SMPD1: variants seen among roughly 807,000 people sequenced by gnomAD.
SMPD1 encodes the protein sphingomyelin phosphodiesterase 1.
In SMPD1, 47 loss-of-function variants were observed where a neutral mutation model predicts 49.7. That is an observed-to-expected ratio of 0.95 (90% CI 0.75 to 1.21). The LOEUF is 1.21. SMPD1 is among the 50% of genes most tolerant of loss of function. The pLI, the probability that SMPD1 is intolerant of heterozygous loss-of-function variation, is 0.00. For missense variants in SMPD1, 811 were observed against 822.2 expected, an observed-to-expected ratio of 0.99 and a Z score of 0.17; for synonymous variants, 336 against 339.6, an observed-to-expected ratio of 0.99 and a Z score of 0.12.
At position 6,393,240 on chromosome 11, in the gene SMPD1, C is replaced by A; in HGVS notation, c.1116C>A (p.Ser372=). 6.2e-7 allele frequency: 1 copy of A among 1,613,950 alleles called. No individual in the cohort carries two copies. Among genetic ancestry groups the A allele is most frequent in the Non-Finnish European group, 8.5e-7 (1 of 1,179,860 alleles). Residue 372 remains serine (S), a synonymous_variant, in exon 3 of 6, where the codon TCC becomes TCA. Transcript: ENST00000342245. ...GAATTGGGGGGTTCTATGCTCTTTCCCCATACCCCGGTCTCCGCCTCATCT... is the reference window on the plus strand; with the variant it reads ...GAATTGGGGGGTTCTATGCTCTTTCACCATACCCCGGTCTCCGCCTCATCT... ...TLRIGGFYAL[S]PYPGLRLISL...
chr11:6,394,837 T>G lies in SMPD1; in HGVS notation c.*230T>G. ...CTAGACTGCCTTGAGGCTGCTGTCC[T>G]TTCACAGCCATGGAGTAGAGGCCTA... On this transcript the variant is annotated 3_prime_UTR_variant, in exon 6 of 6. Coordinates refer to ENST00000342245, the MANE Select transcript of SMPD1 (RefSeq NM_000543.5). 2 of 590,428 alleles carry G rather than the reference T, an allele frequency of 3.4e-6. No homozygotes were observed. The highest frequency in any genetic ancestry group is 6.0e-6 in the Non-Finnish European group (2 of 332,208). The allele number at this position is 590,428 out of a possible 1,614,324, so 36.6% of individuals were successfully genotyped here.
intron 1 of SMPD1, 139 bp downstream of exon 1, chr11:6,391,055 C>A: frequency 8.5e-7 from 1 of 1,170,210 alleles, no homozygotes; most frequent in Non-Finnish European, 1.2e-6. Flanking sequence ...TGAGTTTGCT[C>A]CCCTTTGGGG....
chr11:6,390,991 C>A (rs1847885120), intron 1 of SMPD1, 75 bp downstream of exon 1: 3 of 1,563,760 alleles, frequency 1.9e-6, no homozygotes, highest in Non-Finnish European at 2.6e-6. Context: ...GATGCTGGTG[C>A]GCTGGGCTCA....
Position 6,391,492 on chromosome 11 carries a change from G to A in SMPD1, c.427G>A (p.Asp143Asn). ...CQSIVHLFED[D>N]MVEVWRRSVL... ...ATCCATTGTCCACCTCTTTGAGGAT[G>A]ACATGGTGGAGGTGTGGAGACGCTC... The change falls in exon 2 of 6, where the codon GAC becomes AAC. Residue 143 changes from aspartate to asparagine, a missense_variant. Asp to Asn is a conservative substitution (Grantham distance 23). Coordinates refer to ENST00000342245, the MANE Select transcript of SMPD1 (RefSeq NM_000543.5). 6.2e-7 allele frequency: 1 copy of A among 1,614,032 alleles called. No individual in the cohort carries two copies. Among genetic ancestry groups the A allele is most frequent in the Non-Finnish European group, 8.5e-7 (1 of 1,180,034 alleles).
At chr11:6,393,142 C>G in intron 2 of SMPD1, 74 bp from the exon 3 acceptor site, 1 of 1,313,620 alleles carries the variant, frequency 7.6e-7, no homozygotes, top group Non-Finnish European at 1.1e-6. Context: ...TGCTTTTACC[C>G]TCCACCCAAA....
In SMPD1 at chr11:6,394,549, T is replaced by C. The variant is rs1406342085; in HGVS notation, c.1838T>C (p.Met613Thr). The change falls in exon 6 of 6, where the codon ATG becomes ACG. Residue 613 changes from methionine to threonine, a missense_variant. Met to Thr is a moderately conservative substitution (Grantham distance 81). Transcript: ENST00000342245. ...AGCCCTGCTCTGTGCCGCCACCTGA[T>C]GCCAGATGGGAGCCTCCCAGAGGCC... ...ADSPALCRHL[M>T]PDGSLPEAQS... The C allele has an allele frequency of 1.9e-5, 31 of 1,608,616 alleles. No homozygotes were observed. Among genetic ancestry groups the C allele is most frequent in the Non-Finnish European group, 2.5e-5 (30 of 1,179,970 alleles).
chr11:6,393,297 C>T lies in SMPD1; in HGVS notation c.1173C>T (p.Asn391=), dbSNP rs1360321728. Residue 391 remains asparagine, a synonymous_variant, in exon 3 of 6, where the codon AAC becomes AAT. Transcript: ENST00000342245. ...SLNMNFCSRE[N]FWLLINSTDP... ...ATATGAATTTTTGTTCCCGTGAGAA[C>T]TTCTGGCTCTTGATCAACTCCACGG... 3.1e-6 allele frequency: 5 copies of T among 1,613,890 alleles called. No individual in the cohort carries two copies. Among genetic ancestry groups the T allele is most frequent in the East Asian group, 2.2e-5 (1 of 44,894 alleles).
rs369604007 is a variant in SMPD1, at chr11:6,393,436, C to T, written c.1263+49C>T. The T allele has an allele frequency of 3.1e-5, 49 of 1,583,068 alleles. No homozygotes were observed. The African/African-American group carries it at 6.3e-4, about 20-fold the overall frequency. Reference sequence around the variant, plus strand: ...GGTGGTGCTGGGGGACAAGCAGGCTCCTGTTGAGCTGGAGCACCTCTGGGC... The same window carrying T: ...GGTGGTGCTGGGGGACAAGCAGGCTTCTGTTGAGCTGGAGCACCTCTGGGC... On this transcript the variant is annotated intron_variant, in intron 3 of 5. Coordinates refer to ENST00000342245, the MANE Select transcript of SMPD1 (RefSeq NM_000543.5).
In SMPD1 at chr11:6,391,798, T is replaced by C. The variant is rs370178721; in HGVS notation, c.733T>C (p.Tyr245His). Residue 245 changes from tyrosine to histidine, a missense_variant, in exon 2 of 6, where the codon TAC (tyrosine) becomes CAC (histidine). Coordinates refer to ENST00000342245, the MANE Select transcript of SMPD1 (RefSeq NM_000543.5). ...LPPASRPGAG[Y>H]WGEYSKCDLP... Reference sequence around the variant, plus strand: ...GCCCGCATCCCGGCCAGGTGCCGGATACTGGGGCGAATACAGCAAGTGTGA... The same window carrying C: ...GCCCGCATCCCGGCCAGGTGCCGGACACTGGGGCGAATACAGCAAGTGTGA... 172 of 1,612,656 alleles carry C rather than the reference T, an allele frequency of 1.1e-4. 1 individual carries two copies. The highest frequency in any genetic ancestry group is 1.4e-4 in the Non-Finnish European group (160 of 1,180,040).
At chr11:6,394,142 C>A in intron 5 of SMPD1, 56 bp from the exon 6 acceptor site, 3 of 1,613,398 alleles carry the variant, frequency 1.9e-6, no homozygotes, top group South Asian at 2.2e-5. Flanking sequence ...ATGTGTGGCC[C>A]CTCCCTGGAG....
Position 6,391,500 on chromosome 11 carries a change from G to T in SMPD1, c.435G>T (p.Val145=). The T allele has an allele frequency of 1.2e-6, 2 of 1,614,052 alleles. No homozygotes were observed. The highest frequency in any genetic ancestry group is 2.2e-5 in the South Asian group (2 of 91,068). The change falls in exon 2 of 6, where the codon GTG becomes GTT. Residue 145 remains valine (V), a synonymous_variant. Transcript: ENST00000342245. ...TCCACCTCTTTGAGGATGACATGGT[G>T]GAGGTGTGGAGACGCTCAGTGCTGA... The part of the protein sequence containing the change: ...SIVHLFEDDM[V]EVWRRSVLSP...
At chr11:6,391,238 G>A (rs1230375160) in intron 1 of SMPD1, 146 bp from the exon 2 acceptor site, 1 of 809,206 alleles carries the variant, frequency 1.2e-6, no homozygotes, top group East Asian at 2.6e-5. Context: ...GCAATATCTG[G>A]AAGGCAAAGG....
rs1184917243 is a variant in SMPD1 at position 6,392,161 on chromosome 11, T to G, written c.1091+5T>G. 6.2e-7 allele frequency: 1 copy of G among 1,614,120 alleles called. No homozygotes were observed. The highest frequency in any genetic ancestry group is 8.5e-7 in the Non-Finnish European group (1 of 1,180,010). ...CGAAGCCCTGCGCACCCTCAGGTAC[T>G]TATCGTCCGTGGAAACCCAGGAAGG... On this transcript the variant is annotated splice_donor_5th_base_variant and intron_variant, in intron 2 of 5. Transcript: ENST00000342245.
Position 6,390,693 on chromosome 11 carries a change from G to A in SMPD1, c.95G>A (p.Trp32Ter), listed in dbSNP as rs1554933780. The change falls in exon 1 of 6, where the codon TGG becomes TAG. Residue 32 changes from tryptophan to a stop codon, truncating the protein, a stop_gained. Transcript: ENST00000342245. LOFTEE classifies it high-confidence loss of function. ...ACCGCCGGAGCCCCCGGACTCCTTTGGATGGGCCTGGTGCTGGCGCTGGCG... is the reference window on the plus strand; with the variant it reads ...ACCGCCGGAGCCCCCGGACTCCTTTAGATGGGCCTGGTGCTGGCGCTGGCG... Reference protein sequence around the residue: ...DGTAGAPGLLWMGLVLALALA... With the variant: ...DGTAGAPGLL 6.3e-7 allele frequency: 1 copy of A among 1,594,772 alleles called. No homozygotes were observed. The highest frequency in any genetic ancestry group is 1.1e-5 in the South Asian group (1 of 89,566).
chr11:6,392,485 C>CT lies in SMPD1; in HGVS notation c.1091+329_1091+330insT, dbSNP rs1484033993. On this transcript the variant is annotated intron_variant, in intron 2 of 5. Coordinates refer to ENST00000342245, the MANE Select transcript of SMPD1 (RefSeq NM_000543.5). ...GCATCAGCTACTGCTCCTGGCCCTCCCTTTTTTTTTTTTTTTTTTTTTTTT... is the reference window on the plus strand; with the variant it reads ...GCATCAGCTACTGCTCCTGGCCCTCCTCTTTTTTTTTTTTTTTTTTTTTTTT... Among the ~76,000 whole-genome samples the CT allele has an allele frequency of 1.3e-3, 130 of 102,522 alleles. 1 individual carries two copies. The highest frequency in any genetic ancestry group is 0.01 in the Middle Eastern group (2 of 192). 67.3% of individuals were successfully genotyped at this position (102,522 alleles called of 152,430 possible). A position where few individuals can be genotyped will look rare whatever the true frequency, so the allele number is the denominator to read the frequency against.
chr11:6,393,464 A>C, intron 3 of SMPD1, 77 bp downstream of exon 3: 1 of 1,526,876 alleles, frequency 6.5e-7, no homozygotes, highest in Non-Finnish European at 9.0e-7. Flanking sequence ...CTCTGGGCAC[A>C]GAAGTTTTAT....
In SMPD1 at chr11:6,393,364, G is replaced by A. The variant is rs751622021; in HGVS notation, c.1240G>A (p.Ala414Thr). ...QLQWLVGELQ[A>T]AEDRGDKVHI... ...CCAGTGGCTGGTGGGGGAGCTTCAG[G>A]CTGCTGAGGATCGAGGAGACAAAGT... The change falls in exon 3 of 6, where the codon GCT (alanine) becomes ACT (threonine). Residue 414 changes from alanine to threonine, a missense_variant. By Grantham distance (58) the Ala-to-Thr change is moderately conservative. Transcript: ENST00000342245. 1.9e-6 allele frequency: 3 copies of A among 1,613,704 alleles called. No individual in the cohort carries two copies. In the Admixed American group the frequency reaches 5.0e-5, roughly 27 times the overall value.
chr11:6,391,933 A>C lies in SMPD1; in HGVS notation c.868A>C (p.Thr290Pro). The change falls in exon 2 of 6, where the codon ACT becomes CCT. Residue 290 changes from threonine (T) to proline (P), a missense_variant. Thr to Pro is a conservative substitution (Grantham distance 38). Transcript: ENST00000342245. Reference sequence around the variant, plus strand: ...CCCCGCACATGATGTCTGGCACCAGACTCGTCAGGACCAACTGCGGGCCCT... The same window carrying C: ...CCCCGCACATGATGTCTGGCACCAGCCTCGTCAGGACCAACTGCGGGCCCT... ...DIPAHDVWHQ[T>P]RQDQLRALTT... 1 of 1,614,106 alleles carries C rather than the reference A, an allele frequency of 6.2e-7. No individual in the cohort carries two copies. The highest frequency in any genetic ancestry group is 8.5e-7 in the Non-Finnish European group (1 of 1,180,008).
Position 6,394,818 on chromosome 11 carries a change from T to C in SMPD1, c.*211T>C. ...GGCTGCCTGTGCCCAGGAGCTAGAC[T>C]GCCTTGAGGCTGCTGTCCTTTCACA... On this transcript the variant is annotated 3_prime_UTR_variant, in exon 6 of 6. Transcript: ENST00000342245. The C allele has an allele frequency of 1.6e-6, 1 of 606,346 alleles. No homozygotes were observed. Among genetic ancestry groups the C allele is most frequent in the Non-Finnish European group, 2.9e-6 (1 of 342,728 alleles). The allele number at this position is 606,346 out of a possible 1,614,324, so 37.6% of individuals were successfully genotyped here. A position where few individuals can be genotyped will look rare whatever the true frequency, so the allele number is the denominator to read the frequency against.
Sources: gnomAD v4.1 joint callset for allele counts (sites outside exome capture counted in the v4.1 genomes callset) on GRCh38, gnomAD v4.1.1 for gene constraint, MANE v1.5 for transcripts, NCBI Gene and HGNC (gene_info 2026-07-23, HGNC 2026-07-21) for gene names.